RYR3: variants seen among roughly 807,000 people sequenced by gnomAD.
RYR3 encodes the protein brain ryanodine receptor-calcium release channel.
Under a neutral mutation model 584.3 loss-of-function variants are expected in RYR3, and 207 were observed. The observed-to-expected ratio is 0.35, with a 90% CI of 0.32 to 0.40. The LOEUF is 0.40. Ranked by LOEUF, RYR3 falls within the 10% of genes least tolerant of loss-of-function variation. The pLI is 1.00. For missense variants in RYR3, 5,616 were observed against 6,089.2 expected, an observed-to-expected ratio of 0.92 and a Z score of 2.59; for synonymous variants, 2,416 against 2,248.5, an observed-to-expected ratio of 1.07 and a Z score of -2.11.
chr15:33,864,407 A>G (rs568500871), intron 103 of RYR3, among the ~76,000 whole-genome samples: 6 of 152,248 alleles, frequency 3.9e-5, no homozygotes, highest in African/African-American at 1.4e-4. Context: ...CTACTGCTTC[A>G]GACTAGAAGA....
At chr15:33,862,509 C>T (rs1224896126) in intron 102 of RYR3, among the ~76,000 whole-genome samples, 2 of 152,192 alleles carry the variant, frequency 1.3e-5, no homozygotes, top group Non-Finnish European at 2.9e-5. Flanking sequence ...GCTGAGCCCT[C>T]ATCTTTCTTT....
intron 1 of RYR3, among the ~76,000 whole-genome samples, chr15:33,385,334 T>C (rs2041513346): frequency 6.6e-6 from 1 of 152,210 alleles, no homozygotes; most frequent in Non-Finnish European, 1.5e-5. Flanking sequence ...ATGTTCTCTT[T>C]GCTAACAACA....
At chr15:33,549,423 C>T (rs1384839637) in intron 9 of RYR3, among the ~76,000 whole-genome samples, 2 of 152,140 alleles carry the variant, frequency 1.3e-5, no homozygotes, top group Non-Finnish European at 2.9e-5. Context: ...CTCTCTTAAA[C>T]CTTATATTCT....
At chr15:33,516,804 C>A (rs1567425303) in intron 3 of RYR3, among the ~76,000 whole-genome samples, 2 of 152,018 alleles carry the variant, frequency 1.3e-5, no homozygotes, top group East Asian at 3.9e-4. Flanking sequence ...CTTGCTGGCT[C>A]AGACCACCCA....
intron 3 of RYR3, among the ~76,000 whole-genome samples, chr15:33,514,220 C>G (rs186621729): frequency 1.1e-4 from 16 of 152,174 alleles, no homozygotes; most frequent in Admixed American, 3.3e-4. Context: ...TGTTTTTGTT[C>G]GAGAGAGAAA....
chr15:33,789,601 T>C (rs2152915377), intron 67 of RYR3, among the ~76,000 whole-genome samples: 1 of 125,056 alleles, frequency 8.0e-6, no homozygotes, highest in Non-Finnish European at 1.7e-5. Flanking sequence ...TTTTATGTTA[T>C]ATGCATGTTA....
At chr15:33,629,895 G>A (rs770098695) in intron 21 of RYR3, 45 bp from the exon 22 acceptor site, 113 of 1,102,966 alleles carry the variant, frequency 1.0e-4, no homozygotes, top group Non-Finnish European at 1.4e-4. Context: ...TGCAGTGCCA[G>A]CTGGTCAAAA....
At chr15:33,834,209 A>G (rs778579037) in intron 86 of RYR3, among the ~76,000 whole-genome samples, 2 of 151,970 alleles carry the variant, frequency 1.3e-5, no homozygotes, top group African/African-American at 4.8e-5. Flanking sequence ...ATTTGAACCC[A>G]GTGAGCAGAG....
At chr15:33,345,533 A>G (rs188766150) in intron 1 of RYR3, among the ~76,000 whole-genome samples, 14 of 152,232 alleles carry the variant, frequency 9.2e-5, no homozygotes, top group Admixed American at 9.2e-4. Context: ...GGAGTTTTAA[A>G]TATAAATTCT....
intron 20 of RYR3, among the ~76,000 whole-genome samples, chr15:33,625,674 T>G (rs1354608536): frequency 1.3e-5 from 2 of 152,118 alleles, no homozygotes; most frequent in African/African-American, 4.8e-5. Flanking sequence ...ACCATCTTAA[T>G]AGGGAAAGGA....
intron 3 of RYR3, among the ~76,000 whole-genome samples, chr15:33,518,917 T>A (rs1295873965): frequency 6.6e-6 from 1 of 152,226 alleles, no homozygotes; most frequent in Non-Finnish European, 1.5e-5. Flanking sequence ...GAATGAATGC[T>A]GAGGCGTACC....
intron 2 of RYR3, among the ~76,000 whole-genome samples, chr15:33,476,421 A>G (rs2596167): frequency 0.64 from 97,550 of 152,114 alleles, 32,373 homozygotes; most frequent in African/African-American, 0.83. Context: ...AAAGAGATAC[A>G]TGTCATCCAT....
intron 1 of RYR3, among the ~76,000 whole-genome samples, chr15:33,466,659 T>C (rs1286204280): frequency 2.6e-5 from 4 of 152,238 alleles, no homozygotes; most frequent in Non-Finnish European, 5.9e-5. Flanking sequence ...ATGAGATTAA[T>C]AATATTTCTA....
chr15:33,366,711 G>A (rs1975549887), intron 1 of RYR3, among the ~76,000 whole-genome samples: 1 of 152,176 alleles, frequency 6.6e-6, no homozygotes, highest in African/African-American at 2.4e-5. Flanking sequence ...TGTGCTAGGA[G>A]GAACCACTGG....
intron 52 of RYR3, among the ~76,000 whole-genome samples, chr15:33,743,185 G>T (rs1425192431): frequency 1.3e-5 from 2 of 152,190 alleles, no homozygotes; most frequent in Non-Finnish European, 2.9e-5. Context: ...TGCCCACAGA[G>T]AAGGGACACC....
intron 16 of RYR3, among the ~76,000 whole-genome samples, chr15:33,592,020 T>C (rs148229822): frequency 0.014 from 2,062 of 152,178 alleles, 45 homozygotes; most frequent in African/African-American, 0.048. Context: ...TAGACAGTAA[T>C]AGAGATAAAA....
rs754273778 is a variant in RYR3, at chr15:33,785,646, T to G, written c.9269-16T>G. On this transcript the variant is annotated splice_polypyrimidine_tract_variant and intron_variant, in intron 65 of 103. Transcript: ENST00000634891. ...TGCTTTTGAATTTCTGTCCCTTTATTCTTCCTCTCAATCAGTTCTGGGGAT... is the reference window on the plus strand; with the variant it reads ...TGCTTTTGAATTTCTGTCCCTTTATGCTTCCTCTCAATCAGTTCTGGGGAT... 5 of 1,541,458 alleles carry G rather than the reference T, an allele frequency of 3.2e-6. No individual in the cohort carries two copies. Among genetic ancestry groups the G allele is most frequent in the Non-Finnish European group, 4.4e-6 (5 of 1,141,890 alleles).
intron 42 of RYR3, among the ~76,000 whole-genome samples, chr15:33,704,495 A>G (rs1398705488): frequency 6.6e-6 from 1 of 152,186 alleles, no homozygotes; most frequent in African/African-American, 2.4e-5. Flanking sequence ...CTCAAGCACC[A>G]TGCCACCTGT....
At chr15:33,826,896 T>C in intron 84 of RYR3, 144 bp downstream of exon 84, 1 of 682,816 alleles carries the variant, frequency 1.5e-6, no homozygotes, top group Admixed American at 2.6e-5. Context: ...TATGTAAATA[T>C]CATGGCTAGT....
Sources: allele counts gnomAD v4.1 joint callset (sites outside exome capture counted in the v4.1 genomes callset), GRCh38; gene constraint gnomAD v4.1.1; transcripts MANE v1.5; gene names NCBI Gene and HGNC (gene_info 2026-07-23, HGNC 2026-07-21).